Variants in CHRNA7 observed in about 807,000 individuals in gnomAD.
CHRNA7 encodes the protein cholinergic receptor nicotinic alpha 7 subunit.
A neutral mutation model predicts 48.0 loss-of-function variants in CHRNA7; 17 were observed. That is an observed-to-expected ratio of 0.35 (90% CI 0.24 to 0.53). CHRNA7 has a LOEUF of 0.53. Ranked by LOEUF, CHRNA7 falls within the 20% of genes least tolerant of loss-of-function variation. The pLI, the probability that CHRNA7 is intolerant of heterozygous loss-of-function variation, is 0.92. For synonymous variants in CHRNA7, 75 were observed against 242.3 expected (o/e 0.31, Z 6.41); for missense variants, 155 against 577.7 (o/e 0.27, Z 7.50).
chr15:32,045,248 G>A (rs142493334), intron 2 of CHRNA7, among the ~76,000 whole-genome samples: 7 of 151,934 alleles, frequency 4.6e-5, no homozygotes, highest in Non-Finnish European at 8.8e-5. Context: ...TCTGTTACAT[G>A]GTCTGTGCTC....
intron 2 of CHRNA7, among the ~76,000 whole-genome samples, chr15:32,058,522 C>T (rs991129661): frequency 2.0e-5 from 3 of 152,148 alleles, no homozygotes; most frequent in Non-Finnish European, 2.9e-5. Flanking sequence ...TTCCAGGTGT[C>T]ACTTGGAAAG....
rs145901326 is a variant in CHRNA7 at position 32,089,873 on chromosome 15, C to T, written c.196-11430C>T. Among the ~76,000 whole-genome samples the T allele has an allele frequency of 3.7e-3, 565 of 152,280 alleles. 4 individuals carry two copies. The highest frequency in any genetic ancestry group is 0.013 in the African/African-American group (531 of 41,550). On this transcript the variant is annotated intron_variant, in intron 2 of 9. Coordinates refer to ENST00000306901, the MANE Select transcript of CHRNA7 (RefSeq NM_000746.6). ...GGGCTTTATTTGATGTTTGCTATAG[C>T]TTTAACTGCCAGAGCCTTCAGGTTC...
intron 2 of CHRNA7, among the ~76,000 whole-genome samples, chr15:32,090,000 A>G (rs2050357710): frequency 6.6e-6 from 1 of 152,160 alleles, no homozygotes; most frequent in African/African-American, 2.4e-5. Flanking sequence ...AGTTCACAGT[A>G]GTTATACTGG....
chr15:32,087,706 G>T (rs2050320518), intron 2 of CHRNA7, among the ~76,000 whole-genome samples: 1 of 152,092 alleles, frequency 6.6e-6, no homozygotes, highest in South Asian at 2.1e-4. Flanking sequence ...TTAACTGTTC[G>T]ATTGCAATAT....
intron 2 of CHRNA7, among the ~76,000 whole-genome samples, chr15:32,097,737 AGG>A (rs2050496393): frequency 6.6e-6 from 1 of 152,212 alleles, no homozygotes; most frequent in Non-Finnish European, 1.5e-5. Flanking sequence ...ATTTATTCAC[AGG>A]CCTCTGGGCC....
intron 2 of CHRNA7, among the ~76,000 whole-genome samples, chr15:32,050,814 A>G (rs566952622): frequency 1.5e-4 from 23 of 152,200 alleles, no homozygotes; most frequent in Admixed American, 5.9e-4. Context: ...TGATGCACAG[A>G]TGGGTTTTTG....
At chr15:32,042,660 GTCTC>G in intron 2 of CHRNA7, among the ~76,000 whole-genome samples, 1 of 152,270 alleles carries the variant, frequency 6.6e-6, no homozygotes, top group Non-Finnish European at 1.5e-5. Flanking sequence ...TTGCTGATTA[GTCTC>G]TGCTCTGGAA....
intron 4 of CHRNA7, among the ~76,000 whole-genome samples, chr15:32,138,579 C>T (rs1024033139): frequency 6.6e-5 from 10 of 151,724 alleles, no homozygotes; most frequent in South Asian, 4.2e-4. Flanking sequence ...CTCTTGGTGG[C>T]GTATGGGTTC....
intron 3 of CHRNA7, among the ~76,000 whole-genome samples, chr15:32,108,472 C>G (rs918841674): frequency 1.3e-5 from 2 of 152,210 alleles, no homozygotes; most frequent in African/African-American, 4.8e-5. Context: ...TCCCGAGGGA[C>G]CTAGGAACCA....
At chr15:32,150,705 A>G (rs912966846) in intron 4 of CHRNA7, among the ~76,000 whole-genome samples, 1 of 152,156 alleles carries the variant, frequency 6.6e-6, no homozygotes, top group African/African-American at 2.4e-5. Flanking sequence ...ATTGGAGGTA[A>G]ATATTTCCAG....
At chr15:32,065,886 G>A (rs1490976707) in intron 2 of CHRNA7, among the ~76,000 whole-genome samples, 1 of 151,506 alleles carries the variant, frequency 6.6e-6, no homozygotes, top group Non-Finnish European at 1.5e-5. Flanking sequence ...TGTGTGGAAG[G>A]TGTGCCCCAG....
At chr15:32,091,657 G>A (rs951495813) in intron 2 of CHRNA7, among the ~76,000 whole-genome samples, 1 of 152,128 alleles carries the variant, frequency 6.6e-6, no homozygotes, top group Admixed American at 6.5e-5. Flanking sequence ...TAGGTGGGGG[G>A]TTTGGTTCAG....
chr15:32,048,387 G>A (rs1312008385), intron 2 of CHRNA7, among the ~76,000 whole-genome samples: 2 of 152,112 alleles, frequency 1.3e-5, no homozygotes, highest in Non-Finnish European at 2.9e-5. Context: ...CTTCTTCCTG[G>A]TTTAGTTTTG....
rs1355521855 is a variant in CHRNA7 at position 32,100,639 on chromosome 15, T to C, written c.196-664T>C. 1.9e-5 allele frequency: 3 copies of C among 154,572 alleles called. No homozygotes were observed. The East Asian group carries it at 5.8e-4, about 30-fold the overall frequency. 9.6% of individuals were successfully genotyped at this position (154,572 alleles called of 1,614,324 possible). On this transcript the variant is annotated intron_variant, in intron 2 of 9. Coordinates refer to ENST00000306901, the MANE Select transcript of CHRNA7 (RefSeq NM_000746.6). Reference sequence around the variant, plus strand: ...AAAATAAGCTCTGGAGTCAGAAAGATCCAAGTTTGAATGGCTGCTTCTAAA... The same window carrying C: ...AAAATAAGCTCTGGAGTCAGAAAGACCCAAGTTTGAATGGCTGCTTCTAAA...
chr15:32,144,010 G>A (rs1171026331), intron 4 of CHRNA7, among the ~76,000 whole-genome samples: 1 of 152,174 alleles, frequency 6.6e-6, no homozygotes, highest in Non-Finnish European at 1.5e-5. Context: ...TTTCTTCATA[G>A]CATCGATGGT....
At chr15:32,035,263 CTTTA>C (rs762526536) in intron 2 of CHRNA7, among the ~76,000 whole-genome samples, 26 of 152,100 alleles carry the variant, frequency 1.7e-4, no homozygotes, top group Non-Finnish European at 3.1e-4. Flanking sequence ...TTTCTTTCTC[CTTTA>C]TTTGTGCTGT....
intron 1 of CHRNA7, 62 bp from the exon 2 acceptor site, chr15:32,030,836 G>T: frequency 6.4e-7 from 1 of 1,573,230 alleles, no homozygotes; most frequent in Non-Finnish European, 8.6e-7. Flanking sequence ...CCGGCAGGAG[G>T]GAGTCGGGGG....
intron 2 of CHRNA7, among the ~76,000 whole-genome samples, chr15:32,054,987 C>T (rs1595392465): frequency 6.6e-6 from 1 of 152,148 alleles, no homozygotes; most frequent in Admixed American, 6.5e-5. Context: ...ATGGTTATAC[C>T]AATTAGCATT....
At chr15:32,148,969 G>A (rs181247025) in intron 4 of CHRNA7, among the ~76,000 whole-genome samples, 66 of 152,248 alleles carry the variant, frequency 4.3e-4, no homozygotes, top group Admixed American at 4.0e-3. Context: ...CGTAGCTTGC[G>A]TCCTACATGT....
Sources: gnomAD v4.1 joint callset for allele counts (sites outside exome capture counted in the v4.1 genomes callset) on GRCh38, gnomAD v4.1.1 for gene constraint, MANE v1.5 for transcripts, NCBI Gene and HGNC (gene_info 2026-07-23, HGNC 2026-07-21) for gene names.